SGCD: variants seen among roughly 807,000 people sequenced by gnomAD.
SGCD encodes the protein delta-sarcoglycan.
Under a neutral mutation model 36.6 loss-of-function variants are expected in SGCD, and 18 were observed. That is an observed-to-expected ratio of 0.49 (90% CI 0.34 to 0.73). The LOEUF is 0.73. SGCD is among the 30% of genes least tolerant of loss of function. The pLI is 0.01. For missense variants in SGCD, 387 were observed against 346.7 expected (o/e 1.12, Z -0.92); for synonymous variants, 133 against 130.6 (o/e 1.02, Z -0.12).
chr5:156,291,671 C>T (rs1290610855), intron 3 of SGCD, among the ~76,000 whole-genome samples: 1 of 151,994 alleles, frequency 6.6e-6, no homozygotes, highest in Admixed American at 6.6e-5. Flanking sequence ...ACTAGCTATT[C>T]TCACGAAACT....
At chr5:155,731,606 C>T in the SGCD span, among the ~76,000 whole-genome samples, 1 of 152,164 alleles carries the variant, frequency 6.6e-6, no homozygotes, top group Non-Finnish European at 1.5e-5. Context: ...TGCACACATG[C>T]ATAAATGCAT....
intron 7 of SGCD, among the ~76,000 whole-genome samples, chr5:156,750,021 T>C (rs1025014724): frequency 3.9e-5 from 6 of 152,176 alleles, no homozygotes; most frequent in African/African-American, 1.2e-4. Context: ...AATGACAAAG[T>C]TGGGCTCAAG....
At chr5:156,707,877 G>C (rs1255776607) in intron 7 of SGCD, among the ~76,000 whole-genome samples, 4 of 152,162 alleles carry the variant, frequency 2.6e-5, no homozygotes, top group African/African-American at 9.7e-5. Flanking sequence ...TCTGTGAGCT[G>C]TATTTTCTTC....
At chr5:155,988,069 G>A (rs1454392372) in intron 1 of SGCD, among the ~76,000 whole-genome samples, 1 of 152,178 alleles carries the variant, frequency 6.6e-6, no homozygotes, top group Non-Finnish European at 1.5e-5. Context: ...ACTTGCATAA[G>A]TTCCACAGCC....
At chr5:156,398,109 T>C (rs967042857) in intron 3 of SGCD, among the ~76,000 whole-genome samples, 1 of 152,236 alleles carries the variant, frequency 6.6e-6, no homozygotes, top group Non-Finnish European at 1.5e-5. Flanking sequence ...TCTTTCTGCT[T>C]AGGCATTGGC....
Position 156,255,749 on chromosome 5 carries a change from T to C in SGCD, c.-43-73785T>C, listed in dbSNP as rs1765699672. ...TCGTTCTTATTTGAACCTTCTGTCC[T>C]TTCTTGATCTCACCAGAGGTGTGTT... On this transcript the variant is annotated intron_variant, in intron 3 of 9. Coordinates refer to the SGCD transcript ENST00000517913. 2.0e-5 allele frequency among the ~76,000 whole-genome samples: 3 copies of C among 152,304 alleles called. No homozygotes were observed. In the South Asian group the frequency reaches 6.2e-4, roughly 32 times the overall value.
chr5:156,293,287 A>G (rs1393900900), intron 3 of SGCD, among the ~76,000 whole-genome samples: 1 of 151,986 alleles, frequency 6.6e-6, no homozygotes, highest in Non-Finnish European at 1.5e-5. Flanking sequence ...TAATGCACAA[A>G]ATTTTTAAAT....
chr5:155,821,031 A>G, the SGCD span, among the ~76,000 whole-genome samples: 2 of 152,272 alleles, frequency 1.3e-5, no homozygotes, highest in Middle Eastern at 3.4e-3. Flanking sequence ...CACAGAGAGT[A>G]CTCAATAAAT....
chr5:156,411,194 T>C (rs1772730953), intron 3 of SGCD, among the ~76,000 whole-genome samples: 1 of 152,206 alleles, frequency 6.6e-6, no homozygotes, highest in African/African-American at 2.4e-5. Context: ...AATTCATAGC[T>C]CGTGAACCAT....
intron 1 of SGCD, among the ~76,000 whole-genome samples, chr5:155,951,548 T>C (rs1228852098): frequency 2.0e-5 from 3 of 152,220 alleles, no homozygotes; most frequent in Admixed American, 2.0e-4. Flanking sequence ...TTAATGTTAT[T>C]TTTTGTGCAT....
intron 1 of SGCD, among the ~76,000 whole-genome samples, chr5:155,955,329 T>C (rs1757629002): frequency 6.6e-6 from 1 of 152,166 alleles, no homozygotes; most frequent in Admixed American, 6.5e-5. Flanking sequence ...TTTAGAATAG[T>C]GGCTGGACTA....
At chr5:156,071,834 A>G (rs969975660) in intron 1 of SGCD, among the ~76,000 whole-genome samples, 3 of 152,164 alleles carry the variant, frequency 2.0e-5, no homozygotes, top group Non-Finnish European at 4.4e-5. Flanking sequence ...GTGCATATAT[A>G]TTTAGATAGT....
At chr5:155,847,022 G>GA in the SGCD span, among the ~76,000 whole-genome samples, 1 of 152,110 alleles carries the variant, frequency 6.6e-6, no homozygotes, top group Non-Finnish European at 1.5e-5. Flanking sequence ...TCGAGATGTG[G>GA]AAAAATTCAT....
chr5:156,524,235 A>AAT (rs1193196978), intron 4 of SGCD, among the ~76,000 whole-genome samples: 1 of 132,778 alleles, frequency 7.5e-6, no homozygotes, highest in Non-Finnish European at 1.6e-5. Flanking sequence ...AAGAGAGAGT[A>AAT]ATATATATAG....
chr5:156,145,088 A>G (rs764900543), intron 3 of SGCD, among the ~76,000 whole-genome samples: 4 of 152,158 alleles, frequency 2.6e-5, no homozygotes, highest in Non-Finnish European at 5.9e-5. Flanking sequence ...TATAATCCCC[A>G]GTGTTGGAGG....
At chr5:156,322,890 T>C (rs1303070284), upstream of SGCD, among the ~76,000 whole-genome samples, 1 of 152,186 alleles carries the variant, frequency 6.6e-6, no homozygotes, top group East Asian at 1.9e-4. Context: ...CAATCAGATT[T>C]ATGTTTTAAA....
chr5:156,474,804 T>C (rs926982394), intron 3 of SGCD, among the ~76,000 whole-genome samples: 1 of 152,134 alleles, frequency 6.6e-6, no homozygotes, highest in Admixed American at 6.5e-5. Context: ...TTTGCCATGA[T>C]ATTAGGATGG....
At chr5:156,410,395 C>T (rs1044851724) in intron 3 of SGCD, among the ~76,000 whole-genome samples, 2 of 151,960 alleles carry the variant, frequency 1.3e-5, no homozygotes, top group Non-Finnish European at 2.9e-5. Context: ...GGGAGGGGGG[C>T]AAGGACTAAC....
intron 3 of SGCD, among the ~76,000 whole-genome samples, chr5:156,239,728 G>T (rs1461366681): frequency 6.6e-6 from 1 of 152,170 alleles, no homozygotes; most frequent in African/African-American, 2.4e-5. Flanking sequence ...TGTGAAGAAA[G>T]TATTTATTCT....
Sources: gnomAD v4.1 joint callset for allele counts (sites outside exome capture counted in the v4.1 genomes callset) on GRCh38, gnomAD v4.1.1 for gene constraint, MANE v1.5 for transcripts, NCBI Gene and HGNC (gene_info 2026-07-23, HGNC 2026-07-21) for gene names.